HAPLN1: variants seen among roughly 807,000 people sequenced by gnomAD.
HAPLN1 encodes Cartilage link protein.
In HAPLN1, 13 loss-of-function variants were observed where a neutral mutation model predicts 36.5. The ratio of observed to expected loss-of-function variants is 0.36; its 90% CI spans 0.23 to 0.57. The LOEUF is 0.57. HAPLN1 is among the 20% of genes least tolerant of loss of function. HAPLN1 has a pLI of 0.83. For synonymous variants in HAPLN1, 202 were observed against 169.8 expected (o/e 1.19, Z -1.48); for missense variants, 407 against 439.7 (o/e 0.93, Z 0.66).
chr5:83,679,474 T>A (rs1027331946), intron 1 of HAPLN1, among the ~76,000 whole-genome samples: 1 of 152,186 alleles, frequency 6.6e-6, no homozygotes, highest in Non-Finnish European at 1.5e-5. Context: ...CTAACCTTTC[T>A]CTGTTTTACT....
chr5:83,716,407 A>T lies in HAPLN1; in HGVS notation c.-27+4382T>A, dbSNP rs1751912944. Among the ~76,000 whole-genome samples the T allele has an allele frequency of 3.3e-5, 5 of 152,162 alleles. No individual in the cohort carries two copies. The South Asian group carries it at 1.0e-3, about 32-fold the overall frequency. On this transcript the variant is annotated intron_variant, in intron 1 of 4. Transcript: ENST00000274341. The stretch of plus-strand genomic sequence containing the variant: ...CTCTGAATTTTTCTTTTTGTTTTGT[A>T]AATAGTCTCCTGGTCTTGTAGCAAT...
At chr5:83,711,956 C>T (rs1341441511) in intron 1 of HAPLN1, among the ~76,000 whole-genome samples, 2 of 152,126 alleles carry the variant, frequency 1.3e-5, no homozygotes, top group African/African-American at 2.4e-5. Flanking sequence ...CAAATTCAGA[C>T]AGTACTGAAT....
intron 2 of HAPLN1, among the ~76,000 whole-genome samples, chr5:83,662,149 C>T (rs113765711): frequency 0.013 from 2,003 of 152,184 alleles, 48 homozygotes; most frequent in African/African-American, 0.046. Context: ...GTGATCTGCC[C>T]CCCTCGGCCT....
In HAPLN1 at chr5:83,638,003, C is replaced by T. The variant is rs1338640860; in HGVS notation, c.*3493G>A. 8.4e-5 allele frequency: 12 copies of T among 143,368 alleles called. No individual in the cohort carries two copies. The highest frequency in any genetic ancestry group is 5.9e-4 in the Admixed American group (8 of 13,554). The allele number at this position is 143,368 out of a possible 1,614,324, so 8.9% of individuals were successfully genotyped here. On this transcript the variant is annotated 3_prime_UTR_variant, in exon 5 of 5. Transcript: ENST00000274341. ...TAATACTATAGTTGATTTAGCGACA[C>T]CATATAAATGCTCTTTTTTTTTTTT...
intron 1 of HAPLN1, among the ~76,000 whole-genome samples, chr5:83,690,876 T>A (rs1751254344): frequency 6.6e-6 from 1 of 152,070 alleles, no homozygotes; most frequent in African/African-American, 2.4e-5. Flanking sequence ...ATTAGTTTTA[T>A]ATGAATGCAT....
intron 1 of HAPLN1, among the ~76,000 whole-genome samples, chr5:83,711,142 G>A (rs1008106942): frequency 2.0e-5 from 3 of 152,118 alleles, no homozygotes; most frequent in African/African-American, 7.2e-5. Context: ...AAGGAAAAAA[G>A]AGATAATGCA....
intron 2 of HAPLN1, among the ~76,000 whole-genome samples, chr5:83,656,285 G>A (rs2112572273): frequency 7.7e-6 from 1 of 130,164 alleles, no homozygotes; most frequent in East Asian, 2.3e-4. Flanking sequence ...CTGAGATTGT[G>A]TCGCTGTACC....
At chr5:83,686,089 G>T (rs1751113781) in intron 1 of HAPLN1, 1 of 128,516 alleles carries the variant, frequency 7.8e-6, no homozygotes, top group African/African-American at 3.0e-5. Flanking sequence ...ATTTGAAATT[G>T]TACTATCACC....
chr5:83,694,547 T>G (rs1008260852), intron 1 of HAPLN1, among the ~76,000 whole-genome samples: 17 of 151,988 alleles, frequency 1.1e-4, no homozygotes, highest in Admixed American at 9.8e-4. Flanking sequence ...ATTATCAATA[T>G]AATGAATGAA....
intron 2 of HAPLN1, among the ~76,000 whole-genome samples, chr5:83,662,112 A>G (rs1192272266): frequency 1.3e-5 from 2 of 151,936 alleles, no homozygotes; most frequent in South Asian, 2.1e-4. Context: ...CATGTTGGCC[A>G]GGCTGGTCTT....
intron 2 of HAPLN1, among the ~76,000 whole-genome samples, chr5:83,669,357 G>A (rs1638381016): frequency 1.3e-5 from 2 of 152,148 alleles, no homozygotes; most frequent in Non-Finnish European, 2.9e-5. Flanking sequence ...AGAGTAGCAG[G>A]GCACTGTGGC....
intron 2 of HAPLN1, among the ~76,000 whole-genome samples, chr5:83,659,813 G>T (rs1580129753): frequency 1.3e-5 from 2 of 151,982 alleles, no homozygotes; most frequent in East Asian, 3.8e-4. Context: ...ATTTTTTAAA[G>T]ATACTATTGC....
chr5:83,711,850 C>T (rs1010400746), intron 1 of HAPLN1, among the ~76,000 whole-genome samples: 3 of 152,058 alleles, frequency 2.0e-5, no homozygotes, highest in African/African-American at 7.2e-5. Flanking sequence ...GAGCTCAATT[C>T]TGGAAATGTT....
intron 1 of HAPLN1, among the ~76,000 whole-genome samples, chr5:83,690,488 A>G (rs1751245096): frequency 6.6e-6 from 1 of 152,068 alleles, no homozygotes; most frequent in Non-Finnish European, 1.5e-5. Context: ...TTTATGAACA[A>G]TTCTTTGAGA....
rs975479475 is a variant in HAPLN1 at position 83,714,115 on chromosome 5, C to T, written c.-27+6674G>A. On this transcript the variant is annotated intron_variant, in intron 1 of 4. Coordinates refer to ENST00000274341, the MANE Select transcript of HAPLN1 (RefSeq NM_001884.4). The stretch of plus-strand genomic sequence containing the variant: ...GACACCCCCGAAGCCCCATGTTCTG[C>T]ACTGTGCTGGACACCAACAGCGGCA... Among the ~76,000 whole-genome samples, 10 of 152,240 alleles carry T rather than the reference C, an allele frequency of 6.6e-5. 1 individual carries two copies. The South Asian group carries it at 1.7e-3, about 25-fold the overall frequency.
chr5:83,661,374 T>C (rs1750381654), intron 2 of HAPLN1, among the ~76,000 whole-genome samples: 1 of 151,058 alleles, frequency 6.6e-6, no homozygotes, highest in Non-Finnish European at 1.5e-5. Flanking sequence ...GCAGTTGCCA[T>C]CCATTCCTTG....
chr5:83,698,087 T>C (rs1480772037), intron 1 of HAPLN1, among the ~76,000 whole-genome samples: 2 of 152,142 alleles, frequency 1.3e-5, no homozygotes, highest in Admixed American at 1.3e-4. Flanking sequence ...AACCACTGCT[T>C]AATCAAAGGT....
chr5:83,720,661 A>G (rs549168014), intron 1 of HAPLN1, 128 bp downstream of exon 1: 1 of 152,354 alleles, frequency 6.6e-6, no homozygotes, highest in South Asian at 2.1e-4. Flanking sequence ...ATTCAAATGA[A>G]AACTAAACTC....
intron 1 of HAPLN1, among the ~76,000 whole-genome samples, chr5:83,683,350 T>C (rs1051875526): frequency 3.9e-5 from 6 of 152,168 alleles, no homozygotes; most frequent in Non-Finnish European, 8.8e-5. Context: ...ATTATGGTAG[T>C]GAGGGCAGTG....
Sources: gnomAD v4.1 joint callset for allele counts (sites outside exome capture counted in the v4.1 genomes callset) on GRCh38, gnomAD v4.1.1 for gene constraint, MANE v1.5 for transcripts, NCBI Gene and HGNC (gene_info 2026-07-23, HGNC 2026-07-21) for gene names.